The following RAD50 variants were observed in gnomAD, a reference collection of about 807,000 sequenced individuals.
RAD50 encodes DNA repair protein RAD50.
In RAD50, 132 loss-of-function variants were observed where a neutral mutation model predicts 168.8. That is an observed-to-expected ratio of 0.78 (90% CI 0.68 to 0.90). The LOEUF is 0.90. Among genes scored for constraint, RAD50 ranks in the 40% least tolerant of loss-of-function variants. The probability of loss-of-function intolerance (pLI) is 0.00; values close to 1 mark genes in which losing one functional copy is unlikely to be tolerated. For missense variants in RAD50, 1,347 were observed against 1,534.4 expected (o/e 0.88, Z 2.04); for synonymous variants, 525 against 497.4 (o/e 1.06, Z -0.74).
chr5:132,577,802 ATT>A (rs923754085), intron 3 of RAD50, among the ~76,000 whole-genome samples: 170 of 84,352 alleles, frequency 2.0e-3, no homozygotes, highest in African/African-American at 9.5e-3. Flanking sequence ...CCCATTTCTG[ATT>A]TTTTTTTTTT....
intron 2 of RAD50, among the ~76,000 whole-genome samples, chr5:132,566,700 A>G (rs905682716): frequency 3.3e-5 from 5 of 152,242 alleles, no homozygotes; most frequent in African/African-American, 1.2e-4. Context: ...GGTTCAAACC[A>G]TTTAGTGCCA....
chr5:132,638,016 T>C, intron 22 of RAD50, 65 bp from the exon 23 acceptor site: 2 of 1,537,698 alleles, frequency 1.3e-6, no homozygotes, highest in Non-Finnish European at 1.8e-6. Context: ...TTACTTGATA[T>C]GTTTGTAAAT....
Position 132,643,720 on chromosome 5 carries a change from TGGGGTGGGGGG to T in RAD50, c.*1360_*1370del. 1 of 74,692 alleles carries T rather than the reference TGGGGTGGGGGG, an allele frequency of 1.3e-5. No homozygotes were observed. Among genetic ancestry groups the T allele is most frequent in the Non-Finnish European group, 2.7e-5 (1 of 37,112 alleles). The allele number at this position is 74,692 out of a possible 1,614,324, so 4.6% of individuals were successfully genotyped here. On this transcript the variant is annotated 3_prime_UTR_variant, in exon 25 of 25. Coordinates refer to ENST00000378823, the MANE Select transcript of RAD50 (RefSeq NM_005732.4). Reference sequence around the variant, plus strand: ...AGACAGAGTATCCTGGGGGTGGTGGTGGGGTGGGGGGGGGTCCTAAATGTAATCACGAGTAA... The same window carrying T: ...AGACAGAGTATCCTGGGGGTGGTGGTGGGTCCTAAATGTAATCACGAGTAA...
rs1751795010 is a variant in RAD50, at chr5:132,643,864, C to G, written c.*1500C>G. 1 of 231,502 alleles carries G rather than the reference C, an allele frequency of 4.3e-6. No homozygotes were observed. The highest frequency in any genetic ancestry group is 2.2e-5 in the African/African-American group (1 of 45,206). 14.3% of individuals were successfully genotyped at this position (231,502 alleles called of 1,614,324 possible). A position where few individuals can be genotyped will look rare whatever the true frequency, so the allele number is the denominator to read the frequency against. ...GAAAATGAAAAATCTGTTGATAAAT[C>G]CATCACTATAATAAAACCGAAGGTG... On this transcript the variant is annotated 3_prime_UTR_variant, in exon 25 of 25. Transcript: ENST00000378823.
chr5:132,579,524 T>G, intron 4 of RAD50, 22 bp downstream of exon 4: 1 of 1,593,646 alleles, frequency 6.3e-7, no homozygotes, highest in Non-Finnish European at 8.6e-7. Flanking sequence ...TTAAATAGAC[T>G]TTGTAGTCCA....
chr5:132,635,673 A>G (rs985140799), intron 21 of RAD50, among the ~76,000 whole-genome samples: 3 of 151,982 alleles, frequency 2.0e-5, no homozygotes, highest in African/African-American at 4.8e-5. Context: ...TAGAATGCTT[A>G]TGTTAGTTTT....
At chr5:132,640,453 T>C (rs1434513090) in intron 23 of RAD50, among the ~76,000 whole-genome samples, 1 of 152,206 alleles carries the variant, frequency 6.6e-6, no homozygotes, top group Non-Finnish European at 1.5e-5. Flanking sequence ...GCATTTTGTT[T>C]TGTGGTGAAT....
chr5:132,615,078 G>A (rs760999842), intron 19 of RAD50, among the ~76,000 whole-genome samples: 2 of 152,088 alleles, frequency 1.3e-5, no homozygotes, highest in Non-Finnish European at 2.9e-5. Flanking sequence ...TCCAAATTCA[G>A]AATAAGTTTT....
intron 19 of RAD50, among the ~76,000 whole-genome samples, chr5:132,610,653 A>G (rs781082424): frequency 2.0e-5 from 3 of 152,186 alleles, no homozygotes; most frequent in Admixed American, 6.5e-5. Context: ...AGAATTTCAA[A>G]TATATGAAAT....
rs373698895 is a variant in RAD50, at chr5:132,578,663, A to G, written c.366-654A>G. Among the ~76,000 whole-genome samples, 4 of 150,032 alleles carry G rather than the reference A, an allele frequency of 2.7e-5. No homozygotes were observed. The East Asian group carries it at 7.9e-4, about 30-fold the overall frequency. On this transcript the variant is annotated intron_variant, in intron 3 of 24. Coordinates refer to ENST00000378823, the MANE Select transcript of RAD50 (RefSeq NM_005732.4). Reference sequence around the variant, plus strand: ...TGCCTCAGCCTCCCAAGGAGCTGGGATTACAGGTGCCCACCACCACACCTG... The same window carrying G: ...TGCCTCAGCCTCCCAAGGAGCTGGGGTTACAGGTGCCCACCACCACACCTG...
intron 3 of RAD50, 34 bp downstream of exon 3, chr5:132,575,962 A>G (rs760477648): frequency 1.3e-5 from 21 of 1,562,454 alleles, no homozygotes; most frequent in Non-Finnish European, 1.7e-5. Flanking sequence ...ATTTCTGTTC[A>G]TTTTCAGTCT....
chr5:132,557,474 T>G, intron 1 of RAD50, 21 bp downstream of exon 1: 10 of 1,614,006 alleles, frequency 6.2e-6, no homozygotes, highest in Non-Finnish European at 8.5e-6. Context: ...AGTAGCCGCC[T>G]TCAGTTTACA....
At chr5:132,640,955 C>A in intron 24 of RAD50, 150 bp downstream of exon 24, 1 of 1,363,906 alleles carries the variant, frequency 7.3e-7, no homozygotes, top group South Asian at 1.2e-5. Flanking sequence ...GGTGCCAGGC[C>A]CTGGGCTTTA....
intron 5 of RAD50, among the ~76,000 whole-genome samples, chr5:132,585,773 T>C (rs1750586255): frequency 6.6e-6 from 1 of 151,950 alleles, no homozygotes; most frequent in African/African-American, 2.4e-5. Flanking sequence ...CCGGTGAGAC[T>C]TGTAGAGGCA....
Position 132,579,905 on chromosome 5 carries a change from C to G in RAD50, c.595C>G (p.Gln199Glu), listed in dbSNP as rs775200998. ...LETLRQVRQT[Q>E]GQKVKEYQME... ...AACACTTCGGCAGGTACGTCAGACA[C>G]AAGGTCAGAAAGTAAAAGAATATCA... is the stretch of plus-strand genomic sequence containing the variant. Residue 199 changes from glutamine (Q) to glutamate (E), a missense_variant, in exon 5 of 25, where the codon CAA (glutamine) becomes GAA (glutamate). Gln to Glu is a conservative substitution (Grantham distance 29). Coordinates refer to ENST00000378823, the MANE Select transcript of RAD50 (RefSeq NM_005732.4). 6.2e-7 allele frequency: 1 copy of G among 1,612,814 alleles called. No individual in the cohort carries two copies. Among genetic ancestry groups the G allele is most frequent in the Non-Finnish European group, 8.5e-7 (1 of 1,179,020 alleles).
intron 2 of RAD50, among the ~76,000 whole-genome samples, chr5:132,569,008 A>G (rs1750256324): frequency 1.3e-5 from 2 of 152,232 alleles, no homozygotes; most frequent in Admixed American, 1.3e-4. Flanking sequence ...TACTCATTAA[A>G]GGAATAAAAC....
Position 132,591,229 on chromosome 5 carries a change from T to C in RAD50, c.1458T>C (p.Arg486=). ...TTGTATGAATTATTGACTAGGAACG[T>C]GAGTTAAGCAAGGCTGAGAAAAACA... The part of the protein sequence containing the change: ...ELDQELIKAE[R]ELSKAEKNSN... The change falls in exon 10 of 25, where the codon CGT becomes CGC. Residue 486 remains arginine, a synonymous_variant. Coordinates refer to ENST00000378823, the MANE Select transcript of RAD50 (RefSeq NM_005732.4). 6.2e-7 allele frequency: 1 copy of C among 1,608,168 alleles called. No homozygotes were observed. The highest frequency in any genetic ancestry group is 1.1e-5 in the South Asian group (1 of 90,952).
chr5:132,609,391 C>T lies in RAD50; in HGVS notation c.3031C>T (p.Gln1011Ter), dbSNP rs1751045993. 1 of 1,613,596 alleles carries T rather than the reference C, an allele frequency of 6.2e-7. No homozygotes were observed. The highest frequency in any genetic ancestry group is 8.5e-7 in the Non-Finnish European group (1 of 1,179,780). The change falls in exon 19 of 25, where the codon CAG becomes TAG. Residue 1011 changes from glutamine (Q) to a stop codon, truncating the protein, a stop_gained. Transcript: ENST00000378823. LOFTEE classifies it high-confidence loss of function. ...MRLMRQDIDT[Q>*]KIQERWLQDN... ...ACTCATGAGACAAGATATTGATACA[C>T]AGAAGGTAGGTCTGTTTTGCTTATG...
At chr5:132,595,860 G>A (rs754615664) in intron 13 of RAD50, 50 bp downstream of exon 13, 7 of 1,514,584 alleles carry the variant, frequency 4.6e-6, no homozygotes, top group East Asian at 2.3e-5. Context: ...CATTGTAAAA[G>A]GTACCCATCT....
Sources: gnomAD v4.1 joint callset for allele counts (sites outside exome capture counted in the v4.1 genomes callset) on GRCh38, gnomAD v4.1.1 for gene constraint, MANE v1.5 for transcripts, NCBI Gene and HGNC (gene_info 2026-07-23, HGNC 2026-07-21) for gene names.